Variants in VPS13B observed in about 807,000 individuals in gnomAD.
VPS13B encodes intermembrane lipid transfer protein VPS13B.
VPS13B carries 285 observed loss-of-function variants against 426.4 expected under a neutral mutation model. That is an observed-to-expected ratio of 0.67 (90% CI 0.61 to 0.74). The LOEUF (loss-of-function observed/expected upper bound fraction) is 0.74, where lower values mean the gene tolerates loss of function less well. Ranked by LOEUF, VPS13B falls within the 30% of genes least tolerant of loss-of-function variation. The pLI, the probability that VPS13B is intolerant of heterozygous loss-of-function variation, is 0.00. For synonymous variants in VPS13B, 1,676 were observed against 1,676.4 expected (o/e 1.00, Z 0.01); for missense variants, 4,537 against 4,782.6 (o/e 0.95, Z 1.51).
intron 5 of VPS13B, among the ~76,000 whole-genome samples, chr8:99,106,563 C>T (rs1367615245): frequency 6.6e-6 from 1 of 152,032 alleles, no homozygotes; most frequent in Non-Finnish European, 1.5e-5. Context: ...AATATCAGCA[C>T]CCAGAAGTGC....
chr8:99,683,241 G>A (rs1160899429), intron 35 of VPS13B, among the ~76,000 whole-genome samples: 1 of 152,058 alleles, frequency 6.6e-6, no homozygotes, highest in Non-Finnish European at 1.5e-5. Flanking sequence ...ATACTGTCTT[G>A]ATCTTAATAG....
At chr8:99,260,892 A>G (rs1182439359) in intron 17 of VPS13B, among the ~76,000 whole-genome samples, 1 of 152,116 alleles carries the variant, frequency 6.6e-6, no homozygotes. Flanking sequence ...TAGATCAATC[A>G]AAGTTAAGTA....
At chr8:99,382,600 C>G (rs917975039) in intron 19 of VPS13B, among the ~76,000 whole-genome samples, 1 of 152,042 alleles carries the variant, frequency 6.6e-6, no homozygotes, top group Non-Finnish European at 1.5e-5. Flanking sequence ...GATTGCATTC[C>G]TGATTTGGCT....
intron 43 of VPS13B, among the ~76,000 whole-genome samples, chr8:99,789,618 A>G (rs552742936): frequency 7.2e-5 from 11 of 152,308 alleles, no homozygotes; most frequent in Admixed American, 2.0e-4. Flanking sequence ...TTTTTATACC[A>G]TAAAAGTTAA....
chr8:99,869,499 C>T (rs1379211872), intron 59 of VPS13B, among the ~76,000 whole-genome samples: 2 of 152,312 alleles, frequency 1.3e-5, no homozygotes, highest in South Asian at 2.1e-4. Context: ...TGTTCCTCTT[C>T]GCTTTCCCCT....
intron 17 of VPS13B, among the ~76,000 whole-genome samples, chr8:99,227,519 T>C (rs537125516): frequency 6.6e-6 from 1 of 152,298 alleles, no homozygotes; most frequent in African/African-American, 2.4e-5. Context: ...CTTTTATCTT[T>C]TAGATTTTAG....
intron 23 of VPS13B, among the ~76,000 whole-genome samples, chr8:99,453,401 A>G (rs568182039): frequency 6.6e-6 from 1 of 152,300 alleles, no homozygotes; most frequent in Admixed American, 6.5e-5. Flanking sequence ...GTTTTTGATG[A>G]TGTTGTTTTT....
chr8:99,593,015 A>G lies in VPS13B; in HGVS notation c.5220+15382A>G, dbSNP rs190058936. 3.9e-5 allele frequency among the ~76,000 whole-genome samples: 6 copies of G among 152,300 alleles called. No homozygotes were observed. In the East Asian group the frequency reaches 5.8e-4, roughly 15 times the overall value. ...GGACATAGGCATGGGCAAAGATTTC[A>G]TGACGAAGATGCCGAAAGTAACCCA... On this transcript the variant is annotated intron_variant, in intron 33 of 61. Transcript: ENST00000357162.
rs150160272 is a variant in VPS13B at position 99,551,052 on chromosome 8, ATAT to A, written c.4746-5394_4746-5392del. The stretch of plus-strand genomic sequence containing the variant: ...TCTGTAAATGTTCACCTCATCACAC[ATAT>A]TATGTTTTTCAATTTTTCTGTATTT... On this transcript the variant is annotated intron_variant, in intron 30 of 61. Transcript: ENST00000357162. Among the ~76,000 whole-genome samples the A allele has an allele frequency of 7.9e-3, 1,209 of 152,144 alleles. 10 individuals are homozygous for A. Among genetic ancestry groups the A allele is most frequent in the South Asian group, 0.039 (190 of 4,820 alleles).
chr8:99,579,936 G>T (rs979550331), intron 33 of VPS13B, among the ~76,000 whole-genome samples: 12 of 152,068 alleles, frequency 7.9e-5, no homozygotes, highest in African/African-American at 2.9e-4. Flanking sequence ...GACCTCAGGT[G>T]ATCTGGCCCC....
At chr8:99,107,465 A>C (rs1276745352) in intron 5 of VPS13B, among the ~76,000 whole-genome samples, 3 of 152,176 alleles carry the variant, frequency 2.0e-5, no homozygotes, top group Non-Finnish European at 4.4e-5. Flanking sequence ...TAATTGGGCC[A>C]TCTATCTATT....
At chr8:99,613,530 G>A (rs1317274405) in intron 33 of VPS13B, among the ~76,000 whole-genome samples, 1 of 152,114 alleles carries the variant, frequency 6.6e-6, no homozygotes, top group Non-Finnish European at 1.5e-5. Context: ...TAGATAGCAC[G>A]ATTTCTTTTA....
chr8:99,822,622 T>G (rs1219584534), intron 50 of VPS13B, among the ~76,000 whole-genome samples: 3 of 152,198 alleles, frequency 2.0e-5, no homozygotes, highest in Non-Finnish European at 4.4e-5. Flanking sequence ...AATCAATGAA[T>G]GTACTGTTGG....
At chr8:99,151,823 A>C (rs1224030484) in intron 14 of VPS13B, among the ~76,000 whole-genome samples, 1 of 152,086 alleles carries the variant, frequency 6.6e-6, no homozygotes, top group East Asian at 1.9e-4. Context: ...GTGAGCTACC[A>C]CCGCACCTGG....
At position 99,349,332 on chromosome 8, in the gene VPS13B, C is replaced by CA. The variant is rs35441676; in HGVS notation, c.2825-34853dup. Among the ~76,000 whole-genome samples, 174 of 47,674 alleles carry CA rather than the reference C, an allele frequency of 3.6e-3. 16 individuals are homozygous for CA. Among genetic ancestry groups the CA allele is most frequent in the Admixed American group, 8.7e-3 (27 of 3,086 alleles). 31.3% of individuals were successfully genotyped at this position (47,674 alleles called of 152,430 possible). On this transcript the variant is annotated intron_variant, in intron 19 of 61. Transcript: ENST00000357162. ...TGGGCGACAGAGCGAGACTCCGTCTCAAAAAAAAAAAAAAAAAAAAAAAGA... is the reference window on the plus strand; with the variant it reads ...TGGGCGACAGAGCGAGACTCCGTCTCAAAAAAAAAAAAAAAAAAAAAAAAGA...
Position 99,614,310 on chromosome 8 carries a change from T to C in VPS13B, c.5221-27501T>C, listed in dbSNP as rs367675310. 3.7e-3 allele frequency among the ~76,000 whole-genome samples: 570 copies of C among 152,110 alleles called. 4 individuals carry two copies. The highest frequency in any genetic ancestry group is 0.013 in the African/African-American group (534 of 41,492). On this transcript the variant is annotated intron_variant, in intron 33 of 61. Transcript: ENST00000357162. ...ATGTATTTTTGAGATGGAGTTTCGCTCTTGTTGCACAGGCTGGAGTGCAAT... is the reference window on the plus strand; with the variant it reads ...ATGTATTTTTGAGATGGAGTTTCGCCCTTGTTGCACAGGCTGGAGTGCAAT...
At chr8:99,073,868 T>G (rs1235813199) in intron 3 of VPS13B, among the ~76,000 whole-genome samples, 1 of 152,000 alleles carries the variant, frequency 6.6e-6, no homozygotes, top group African/African-American at 2.4e-5. Flanking sequence ...CCTCCCTGAC[T>G]CAAGTGATCC....
intron 2 of VPS13B, among the ~76,000 whole-genome samples, chr8:99,033,658 G>A (rs7009650): frequency 0.74 from 111,685 of 151,940 alleles, 41,783 homozygotes; most frequent in South Asian, 0.87. Context: ...CACTTTGGGA[G>A]GCTGAGGTGG....
rs576241511 is a variant in VPS13B at position 99,665,585 on chromosome 8, C to A, written c.6046+4094C>A. On this transcript the variant is annotated intron_variant, in intron 35 of 61. Coordinates refer to ENST00000357162, the MANE Select transcript of VPS13B (RefSeq NM_152564.5). ...ATTTATTAAATAGGGAATCCTTTCC[C>A]CATTGCTTGTTTTTGTCAGGTTTTT... 1.8e-4 allele frequency among the ~76,000 whole-genome samples: 28 copies of A among 152,238 alleles called. No homozygotes were observed. In the East Asian group the frequency reaches 4.4e-3, roughly 24 times the overall value.
Sources: allele counts gnomAD v4.1 joint callset (sites outside exome capture counted in the v4.1 genomes callset), GRCh38; gene constraint gnomAD v4.1.1; transcripts MANE v1.5; gene names NCBI Gene and HGNC (gene_info 2026-07-23, HGNC 2026-07-21).